The following NXN variants were observed in gnomAD, a reference collection of about 807,000 sequenced individuals.
The protein encoded by NXN is nucleoredoxin, also known as nucleoredoxin 1.
In NXN, 16 loss-of-function variants were observed where a neutral mutation model predicts 48.6. The observed-to-expected ratio is 0.33, with a 90% CI of 0.22 to 0.50. The LOEUF is 0.50. NXN is among the 20% of genes least tolerant of loss of function. The pLI is 0.98. For missense variants in NXN, 492 were observed against 605.5 expected (o/e 0.81, Z 1.97); for synonymous variants, 281 against 269.6 (o/e 1.04, Z -0.41).
At chr17:814,686 C>T (rs748295066) in intron 5 of NXN, among the ~76,000 whole-genome samples, 11 of 152,226 alleles carry the variant, frequency 7.2e-5, no homozygotes, top group African/African-American at 1.4e-4. Flanking sequence ...AGTGACTTCC[C>T]GTGGAGCTCA....
intron 1 of NXN, among the ~76,000 whole-genome samples, chr17:891,037 GTCTA>G (rs999387437): frequency 1.2e-3 from 93 of 79,170 alleles, no homozygotes; most frequent in Middle Eastern, 8.6e-3. Context: ...CTGTCTGTCT[GTCTA>G]TCTATCTATC....
At chr17:866,242 T>C (rs2068094579) in intron 1 of NXN, among the ~76,000 whole-genome samples, 1 of 152,070 alleles carries the variant, frequency 6.6e-6, no homozygotes, top group South Asian at 2.1e-4. Context: ...ACAATACCCG[T>C]CACATACATG....
At position 932,284 on chromosome 17, in the gene NXN, G is replaced by A. The variant is rs994182077; in HGVS notation, c.360+47035C>T. 4.6e-5 allele frequency among the ~76,000 whole-genome samples: 7 copies of A among 152,178 alleles called. No individual in the cohort carries two copies. Among genetic ancestry groups the A allele is most frequent in the East Asian group, 3.8e-4 (2 of 5,198 alleles). On this transcript the variant is annotated intron_variant, in intron 1 of 7. Coordinates refer to ENST00000336868, the MANE Select transcript of NXN (RefSeq NM_022463.5). This position sits in a 1 kb window ranked among gnomAD's most constrained non-coding sequence, Gnocchi z 4.1. Reference sequence around the variant, plus strand: ...AACCGGCCTTGTTTTGGTCCTAGGCGGCGGTTCTTAAACTCTGGTCCCTGG... The same window carrying A: ...AACCGGCCTTGTTTTGGTCCTAGGCAGCGGTTCTTAAACTCTGGTCCCTGG...
At chr17:907,149 T>C (rs1036788671) in intron 1 of NXN, among the ~76,000 whole-genome samples, 3 of 151,798 alleles carry the variant, frequency 2.0e-5, no homozygotes, top group African/African-American at 7.3e-5. Flanking sequence ...GGGGGAGGGT[T>C]ATCTCCAAGA....
In NXN at chr17:825,940, A is replaced by G; in HGVS notation, c.478+21T>C. On this transcript the variant is annotated intron_variant, in intron 2 of 7. Coordinates refer to ENST00000336868, the MANE Select transcript of NXN (RefSeq NM_022463.5). This position sits in a 1 kb window ranked among gnomAD's most constrained non-coding sequence, Gnocchi z 4.1. ...GAGGGCTGGGTAATAAGAGGACCAT[A>G]TGCACGGGCTGAGGTTTTACCTTCT... The G allele has an allele frequency of 6.7e-7, 1 of 1,501,220 alleles. No homozygotes were observed. 93.0% of individuals were successfully genotyped at this position (1,501,220 alleles called of 1,614,324 possible). A position where few individuals can be genotyped will look rare whatever the true frequency, so the allele number is the denominator to read the frequency against.
At chr17:897,923 C>T (rs2068504440) in intron 1 of NXN, among the ~76,000 whole-genome samples, 1 of 152,206 alleles carries the variant, frequency 6.6e-6, no homozygotes, top group South Asian at 2.1e-4. Flanking sequence ...TCAGGTGATC[C>T]GCCCACCTCG....
In NXN at chr17:858,118, C is replaced by T. The variant is rs188498251; in HGVS notation, c.361-32040G>A. ...CCCGAGTAATGGGGTCACAGGTATG[C>T]ACCACCACACCTGGCTAACTTTTGT... is the stretch of plus-strand genomic sequence containing the variant. On this transcript the variant is annotated intron_variant, in intron 1 of 7. Transcript: ENST00000336868. Among the ~76,000 whole-genome samples the T allele has an allele frequency of 3.3e-5, 5 of 152,102 alleles. No individual in the cohort carries two copies. The East Asian group carries it at 7.7e-4, about 24-fold the overall frequency.
Position 919,311 on chromosome 17 carries a change from C to T in NXN, c.360+60008G>A, listed in dbSNP as rs992641466. ...TAGGGAGGCAGAGGTTGCAGTGAGC[C>T]GAGATTGTGCCACTGTACTCCAGCC... On this transcript the variant is annotated intron_variant, in intron 1 of 7. Transcript: ENST00000336868. The surrounding 1 kb of genome is among the most constrained non-coding windows in gnomAD (Gnocchi z 5.1). Among the ~76,000 whole-genome samples, 3 of 151,674 alleles carry T rather than the reference C, an allele frequency of 2.0e-5. No homozygotes were observed. Among genetic ancestry groups the T allele is most frequent in the East Asian group, 1.9e-4 (1 of 5,150 alleles).
rs371947711 is a variant in NXN, at chr17:956,773, G to A, written c.360+22546C>T. Reference sequence around the variant, plus strand: ...TCCACCGCAACCTGACAAGGTGGACGCTGCTATCGTTCCCACTTTACAGAT... The same window carrying A: ...TCCACCGCAACCTGACAAGGTGGACACTGCTATCGTTCCCACTTTACAGAT... On this transcript the variant is annotated intron_variant, in intron 1 of 7. Coordinates refer to ENST00000336868, the MANE Select transcript of NXN (RefSeq NM_022463.5). The surrounding 1 kb of genome is among the most constrained non-coding windows in gnomAD (Gnocchi z 4.1). Among the ~76,000 whole-genome samples the A allele has an allele frequency of 2.6e-5, 4 of 152,220 alleles. No homozygotes were observed. Among genetic ancestry groups the A allele is most frequent in the East Asian group, 1.9e-4 (1 of 5,188 alleles).
In NXN at chr17:878,725, C is replaced by T. The variant is rs371192302; in HGVS notation, c.361-52647G>A. 5.3e-5 allele frequency among the ~76,000 whole-genome samples: 8 copies of T among 152,184 alleles called. 2 individuals carry two copies. The highest frequency in any genetic ancestry group is 1.9e-4 in the African/African-American group (8 of 41,510). On this transcript the variant is annotated intron_variant, in intron 1 of 7. Transcript: ENST00000336868. Reference sequence around the variant, plus strand: ...ACAATAGTGCCCCAACCTGATTGAACCCAGTGAATGGGGGGAAATGAGAAT... The same window carrying T: ...ACAATAGTGCCCCAACCTGATTGAATCCAGTGAATGGGGGGAAATGAGAAT...
Position 978,461 on chromosome 17 carries a change from T to C in NXN, c.360+858A>G, listed in dbSNP as rs1396070456. The C allele has an allele frequency of 6.6e-6, 1 of 152,366 alleles. No homozygotes were observed. Among genetic ancestry groups the C allele is most frequent in the Non-Finnish European group, 1.5e-5 (1 of 68,146 alleles). 9.4% of individuals were successfully genotyped at this position (152,366 alleles called of 1,614,324 possible). On this transcript the variant is annotated intron_variant, in intron 1 of 7. Transcript: ENST00000336868. This position sits in a 1 kb window ranked among gnomAD's most constrained non-coding sequence, Gnocchi z 4.1. ...CCCAAATCCTCCTTCTTCCAGTCAA[T>C]GTGCATCGATGGGGTCAGCTCAGCC...
chr17:968,914 G>T (rs1370351207), intron 1 of NXN, among the ~76,000 whole-genome samples: 1 of 151,788 alleles, frequency 6.6e-6, no homozygotes, highest in African/African-American at 2.4e-5. Flanking sequence ...TCCAGCCTGG[G>T]AGACAGAGAG....
intron 1 of NXN, chr17:897,090 A>C: frequency 1.9e-6 from 2 of 1,031,552 alleles, no homozygotes; most frequent in Non-Finnish European, 2.4e-6. Flanking sequence ...CTGGTAACCC[A>C]CGGCCACCGC....
intron 6 of NXN, 158 bp from the exon 7 acceptor site, chr17:803,964 C>T: frequency 1.1e-6 from 1 of 876,876 alleles, no homozygotes; most frequent in Non-Finnish European, 1.8e-6. Context: ...TTGCTCCCCG[C>T]ATGCATGGGT....
chr17:952,056 C>T (rs940036308), intron 1 of NXN, among the ~76,000 whole-genome samples: 1 of 152,156 alleles, frequency 6.6e-6, no homozygotes, highest in African/African-American at 2.4e-5. Context: ...AGGGGCGTTT[C>T]CGTTTTTGTG....
At chr17:912,904 A>G (rs963972867) in intron 1 of NXN, among the ~76,000 whole-genome samples, 1 of 152,100 alleles carries the variant, frequency 6.6e-6, no homozygotes, top group Non-Finnish European at 1.5e-5. Context: ...CAGTGAGCCA[A>G]GATTGCACCA....
chr17:807,012 C>T (rs1371328133), intron 5 of NXN, among the ~76,000 whole-genome samples: 1 of 152,204 alleles, frequency 6.6e-6, no homozygotes, highest in African/African-American at 2.4e-5. Context: ...TCAGCGTGGA[C>T]AGTGCCCGAG....
chr17:825,208 T>G lies in NXN; in HGVS notation c.478+753A>C, dbSNP rs1913032748. Among the ~76,000 whole-genome samples the G allele has an allele frequency of 1.2e-5, 1 of 85,494 alleles. No homozygotes were observed. Among genetic ancestry groups the G allele is most frequent in the Non-Finnish European group, 2.1e-5 (1 of 48,244 alleles). The allele number at this position is 85,494 out of a possible 152,430, so 56.1% of individuals were successfully genotyped here. A position where few individuals can be genotyped will look rare whatever the true frequency, so the allele number is the denominator to read the frequency against. On this transcript the variant is annotated intron_variant, in intron 2 of 7. Transcript: ENST00000336868. The surrounding 1 kb of genome is among the most constrained non-coding windows in gnomAD (Gnocchi z 4.1). ...ACTCGGCCTGGGCGACAGAGGGAGATAGTGTCTCAAGAGAAAAAAAAAAAA... is the reference window on the plus strand; with the variant it reads ...ACTCGGCCTGGGCGACAGAGGGAGAGAGTGTCTCAAGAGAAAAAAAAAAAA...
At chr17:841,202 C>T (rs1453541677) in intron 1 of NXN, among the ~76,000 whole-genome samples, 1 of 152,238 alleles carries the variant, frequency 6.6e-6, no homozygotes, top group African/African-American at 2.4e-5. Flanking sequence ...CACGTGAATA[C>T]TTCTCATGTG....
Sources: gnomAD v4.1 joint callset for allele counts (sites outside exome capture counted in the v4.1 genomes callset) on GRCh38, gnomAD v4.1.1 for gene constraint, Gnocchi (gnomAD v3.1) non-coding constraint, MANE v1.5 for transcripts, NCBI Gene and HGNC (gene_info 2026-07-23, HGNC 2026-07-21) for gene names.